The following SS18L1 variants were observed in gnomAD, a reference collection of about 807,000 sequenced individuals.
The protein encoded by SS18L1 is calcium-responsive transactivator.
In SS18L1, 32 loss-of-function variants were observed where a neutral mutation model predicts 70.3. The ratio of observed to expected loss-of-function variants is 0.46; its 90% CI spans 0.34 to 0.61. The LOEUF is 0.61. SS18L1 is among the 20% of genes least tolerant of loss of function. SS18L1 has a pLI of 0.01. For missense variants in SS18L1, 430 were observed against 542.1 expected, an observed-to-expected ratio of 0.79 and a Z score of 2.05; for synonymous variants, 237 against 229.7, an observed-to-expected ratio of 1.03 and a Z score of -0.29.
At chr20:62,167,691 G>A (rs1478543933) in intron 8 of SS18L1, among the ~76,000 whole-genome samples, 2 of 152,236 alleles carry the variant, frequency 1.3e-5, no homozygotes, top group African/African-American at 4.8e-5. Flanking sequence ...CCTTCCAGCT[G>A]GAGCACAGGG....
chr20:62,172,843 C>T lies in SS18L1; in HGVS notation c.1036+42C>T, dbSNP rs1471608090. 5 of 1,600,248 alleles carry T rather than the reference C, an allele frequency of 3.1e-6. No individual in the cohort carries two copies. In the South Asian group the frequency reaches 4.4e-5, roughly 14 times the overall value. ...GTCCTCGGGGCCCCCCAGCGCCCAC[C>T]CCTGCCCCTGCCACACATGGGTACG... On this transcript the variant is annotated intron_variant, in intron 9 of 10. Coordinates refer to ENST00000331758, the MANE Select transcript of SS18L1 (RefSeq NM_198935.3).
At chr20:62,143,958 G>A in intron 1 of SS18L1, 69 bp downstream of exon 1, 1 of 936,362 alleles carries the variant, frequency 1.1e-6, no homozygotes, top group Non-Finnish European at 1.3e-6. Context: ...GACGGGGCGC[G>A]GGCAGCTGGC....
Position 62,163,527 on chromosome 20 carries a change from A to G in SS18L1, c.626A>G (p.Gln209Arg), listed in dbSNP as rs2057370634. Residue 209 changes from glutamine to arginine, a missense_variant, in exon 6 of 11, where the codon CAG becomes CGG. By Grantham distance (43) the Gln-to-Arg change is conservative. Transcript: ENST00000331758. ...SSAQGGSQHY[Q>R]GQSSIAMMGQ... ...GCGCAGGGCGGCAGCCAGCACTACC[A>G]GGGCCAGTCGTCCATCGCCATGATG... The G allele has an allele frequency of 6.2e-7, 1 of 1,611,758 alleles. No individual in the cohort carries two copies. The highest frequency in any genetic ancestry group is 8.5e-7 in the Non-Finnish European group (1 of 1,179,804).
At chr20:62,156,271 G>A (rs1470929824) in intron 1 of SS18L1, among the ~76,000 whole-genome samples, 1 of 152,184 alleles carries the variant, frequency 6.6e-6, no homozygotes, top group East Asian at 1.9e-4. Flanking sequence ...CCTTTAGAAG[G>A]AAAGGAAGAA....
At chr20:62,153,070 C>T (rs1408980707) in intron 1 of SS18L1, among the ~76,000 whole-genome samples, 1 of 152,138 alleles carries the variant, frequency 6.6e-6, no homozygotes, top group African/African-American at 2.4e-5. Context: ...CTGGGGAGGC[C>T]TCAGGAAACT....
chr20:62,175,318 G>A, intron 10 of SS18L1: 1 of 985,418 alleles, frequency 1.0e-6, no homozygotes, highest in Non-Finnish European at 1.2e-6. Flanking sequence ...GGACAGGTGG[G>A]CGTAGGGGCC....
chr20:62,144,696 C>T (rs938529425), intron 1 of SS18L1, among the ~76,000 whole-genome samples: 4 of 152,244 alleles, frequency 2.6e-5, no homozygotes, highest in South Asian at 4.1e-4. Context: ...TTTGGGACAC[C>T]GTTATCCAAA....
Position 62,150,633 on chromosome 20 carries a change from A to ATTTTTTTTTTTTTT in SS18L1, c.69+6768_69+6781dup, listed in dbSNP as rs34708339. Among the ~76,000 whole-genome samples the ATTTTTTTTTTTTTT allele has an allele frequency of 3.4e-4, 20 of 58,054 alleles. 5 individuals carry two copies. Among genetic ancestry groups the ATTTTTTTTTTTTTT allele is most frequent in the East Asian group, 7.8e-4 (1 of 1,290 alleles). 38.1% of individuals were successfully genotyped at this position (58,054 alleles called of 152,430 possible). ...CGGAGCATAAGAAACATTGAGGTGG[A>ATTTTTTTTTTTTTT]TTTTTTTTTTTTTTTTTTTTTTTTT... On this transcript the variant is annotated intron_variant, in intron 1 of 10. Transcript: ENST00000331758.
Position 62,169,101 on chromosome 20 carries a change from G to A in SS18L1, c.917-3581G>A, listed in dbSNP as rs567174465. On this transcript the variant is annotated intron_variant, in intron 8 of 10. Coordinates refer to ENST00000331758, the MANE Select transcript of SS18L1 (RefSeq NM_198935.3). Reference sequence around the variant, plus strand: ...AGGAGAGGGTGCGAGTCCCGCGTTCGCGTCACAGTGAGGTTTGCAGTGACG... The same window carrying A: ...AGGAGAGGGTGCGAGTCCCGCGTTCACGTCACAGTGAGGTTTGCAGTGACG... 2.3e-4 allele frequency among the ~76,000 whole-genome samples: 35 copies of A among 152,320 alleles called. No homozygotes were observed. The East Asian group carries it at 4.4e-3, about 19-fold the overall frequency.
intron 9 of SS18L1, 69 bp downstream of exon 9, chr20:62,172,870 G>T: frequency 6.3e-7 from 1 of 1,576,392 alleles, no homozygotes. Context: ...ATGGGTACGT[G>T]CTCAGTACCC....
Position 62,181,654 on chromosome 20 carries a change from T to C in SS18L1, c.*2446T>C, listed in dbSNP as rs559344000. 9.3e-6 allele frequency: 2 copies of C among 215,664 alleles called. No individual in the cohort carries two copies. Among genetic ancestry groups the C allele is most frequent in the African/African-American group, 2.2e-5 (1 of 44,448 alleles). The allele number at this position is 215,664 out of a possible 1,614,324, so 13.4% of individuals were successfully genotyped here. A position where few individuals can be genotyped will look rare whatever the true frequency, so the allele number is the denominator to read the frequency against. On this transcript the variant is annotated 3_prime_UTR_variant, in exon 11 of 11. Transcript: ENST00000331758. ...TTATTTCCTAATTTATACATGATTT[T>C]TGGTGTTAATATATTTAATGATTAA... is the stretch of plus-strand genomic sequence containing the variant.
intron 3 of SS18L1, among the ~76,000 whole-genome samples, chr20:62,160,242 C>T (rs1238840565): frequency 1.7e-5 from 2 of 119,778 alleles, no homozygotes; most frequent in Non-Finnish European, 3.2e-5. Context: ...CAGGAGCAGC[C>T]GCAGCTCTCG....
At position 62,149,311 on chromosome 20, in the gene SS18L1, C is replaced by G. The variant is rs140673342; in HGVS notation, c.69+5422C>G. Among the ~76,000 whole-genome samples, 26 of 152,354 alleles carry G rather than the reference C, an allele frequency of 1.7e-4. No individual in the cohort carries two copies. The East Asian group carries it at 4.8e-3, about 28-fold the overall frequency. On this transcript the variant is annotated intron_variant, in intron 1 of 10. Coordinates refer to ENST00000331758, the MANE Select transcript of SS18L1 (RefSeq NM_198935.3). ...GTTCGGGCAGGCACCTCCACCACCT[C>G]CCTCCATGTGATCACAAGAGGAGTC...
At position 62,174,866 on chromosome 20, in the gene SS18L1, G is replaced by A. The variant is rs539340850; in HGVS notation, c.1164+222G>A. ...TGGCTTTTCATACCCTAAGCTCACCGTTAGATCTGCACGCCTGGTTCTCAC... is the reference window on the plus strand; with the variant it reads ...TGGCTTTTCATACCCTAAGCTCACCATTAGATCTGCACGCCTGGTTCTCAC... On this transcript the variant is annotated intron_variant, in intron 10 of 10. Coordinates refer to ENST00000331758, the MANE Select transcript of SS18L1 (RefSeq NM_198935.3). This position sits in a 1 kb window ranked among gnomAD's most constrained non-coding sequence, Gnocchi z 4.1. 85 of 1,428,220 alleles carry A rather than the reference G, an allele frequency of 6.0e-5. No individual in the cohort carries two copies. The highest frequency in any genetic ancestry group is 2.6e-4 in the Middle Eastern group (1 of 3,886). The allele number at this position is 1,428,220 out of a possible 1,614,324, so 88.5% of individuals were successfully genotyped here.
chr20:62,170,271 C>T (rs919681742), intron 8 of SS18L1, among the ~76,000 whole-genome samples: 6 of 152,174 alleles, frequency 3.9e-5, no homozygotes, highest in Non-Finnish European at 8.8e-5. Flanking sequence ...TTTGGGAGGC[C>T]GGGGCAGGCG....
chr20:62,169,935 A>G (rs1391071409), intron 8 of SS18L1, among the ~76,000 whole-genome samples: 2 of 152,196 alleles, frequency 1.3e-5, no homozygotes, highest in Non-Finnish European at 2.9e-5. Flanking sequence ...AGCGTGTCCC[A>G]GGAGTGGACG....
chr20:62,158,503 C>T lies in SS18L1; in HGVS notation c.70-169C>T, dbSNP rs377485109. 5.9e-5 allele frequency among the ~76,000 whole-genome samples: 9 copies of T among 152,154 alleles called. No individual in the cohort carries two copies. Among genetic ancestry groups the T allele is most frequent in the Admixed American group, 3.9e-4 (6 of 15,262 alleles). On this transcript the variant is annotated intron_variant, in intron 1 of 10. Coordinates refer to ENST00000331758, the MANE Select transcript of SS18L1 (RefSeq NM_198935.3). This position sits in a 1 kb window ranked among gnomAD's most constrained non-coding sequence, Gnocchi z 4.5. Reference sequence around the variant, plus strand: ...GGTTTTCGGATTAGGGATGCCAAACCGGTGGGTCTAATACAGATATCCCCA... The same window carrying T: ...GGTTTTCGGATTAGGGATGCCAAACTGGTGGGTCTAATACAGATATCCCCA...
Position 62,181,621 on chromosome 20 carries a change from T to C in SS18L1, c.*2413T>C. On this transcript the variant is annotated 3_prime_UTR_variant, in exon 11 of 11. Coordinates refer to ENST00000331758, the MANE Select transcript of SS18L1 (RefSeq NM_198935.3). ...TTTAAAAAGCACTTTGCAAAATAGTTTGTACATTTATTTCCTAATTTATAC... is the reference window on the plus strand; with the variant it reads ...TTTAAAAAGCACTTTGCAAAATAGTCTGTACATTTATTTCCTAATTTATAC... 4.7e-6 allele frequency: 1 copy of C among 212,940 alleles called. No homozygotes were observed. Among genetic ancestry groups the C allele is most frequent in the East Asian group, 7.2e-5 (1 of 13,968 alleles). The allele number at this position is 212,940 out of a possible 1,614,324, so 13.2% of individuals were successfully genotyped here.
At chr20:62,175,179 A>AG (rs147215574) in intron 10 of SS18L1, 14 of 945,480 alleles carry the variant, frequency 1.5e-5, no homozygotes, top group Non-Finnish European at 1.8e-5. Context: ...CAGCCTAGGG[A>AG]GGGGGAAGCC....
Sources: allele counts gnomAD v4.1 joint callset (sites outside exome capture counted in the v4.1 genomes callset), GRCh38; gene constraint gnomAD v4.1.1; non-coding constraint Gnocchi (gnomAD v3.1); transcripts MANE v1.5; gene names NCBI Gene and HGNC (gene_info 2026-07-23, HGNC 2026-07-21).